Variants in HIP1 observed in about 807,000 individuals in gnomAD.
The protein encoded by HIP1 is huntingtin-interacting protein 1.
HIP1 carries 65 observed loss-of-function variants against 147.6 expected under a neutral mutation model. The observed-to-expected ratio is 0.44, with a 90% CI of 0.36 to 0.54. The LOEUF is 0.54. HIP1 is among the 20% of genes least tolerant of loss of function. The pLI is 0.00. For missense variants in HIP1, 1,061 were observed against 1,299.6 expected (o/e 0.82, Z 2.82); for synonymous variants, 479 against 504.0 (o/e 0.95, Z 0.67).
chr7:75,588,008 C>G (rs587732303), intron 4 of HIP1, among the ~76,000 whole-genome samples: 1 of 152,136 alleles, frequency 6.6e-6, no homozygotes, highest in Admixed American at 6.6e-5. Context: ...AAGACTGCCT[C>G]CTTGGTATAG....
intron 1 of HIP1, among the ~76,000 whole-genome samples, chr7:75,612,646 T>C (rs1306865492): frequency 1.3e-5 from 2 of 149,480 alleles, no homozygotes; most frequent in Admixed American, 1.3e-4. Context: ...CTATCTCTAC[T>C]AAAAATACAA....
intron 1 of HIP1, among the ~76,000 whole-genome samples, chr7:75,615,240 G>A (rs1203625105): frequency 1.3e-5 from 2 of 151,958 alleles, no homozygotes; most frequent in Non-Finnish European, 2.9e-5. Context: ...GGGGCTGTGA[G>A]AGAGCACACA....
Position 75,559,808 on chromosome 7 carries a change from C to G in HIP1, c.1299G>C (p.Leu433=). The G allele has an allele frequency of 6.2e-7, 1 of 1,613,010 alleles. No individual in the cohort carries two copies. The change falls in exon 14 of 31, where the codon CTG becomes CTC. Residue 433 remains leucine (L), a synonymous_variant. Transcript: ENST00000336926. The stretch of plus-strand genomic sequence containing the variant: ...TCCTGAGCTCGTCCAGTTCTGCCCG[C>G]AGGAATTCACAGTCGTCGGCCGCCT... The part of the protein sequence containing the change: ...RQQAADDCEF[L]RAELDELRRQ...
chr7:75,558,092 A>G, intron 15 of HIP1, 75 bp downstream of exon 15: 1 of 1,220,418 alleles, frequency 8.2e-7, no homozygotes, highest in Non-Finnish European at 1.2e-6. Flanking sequence ...GGCCCCGGGG[A>G]AGCCACAGGC....
intron 16 of HIP1, among the ~76,000 whole-genome samples, chr7:75,557,283 C>A (rs1385128660): frequency 1.3e-5 from 2 of 151,932 alleles, no homozygotes; most frequent in African/African-American, 2.4e-5. Flanking sequence ...GTGATCCACA[C>A]CCCCCTCAGC....
chr7:75,652,330 A>C (rs1309132478), intron 1 of HIP1, among the ~76,000 whole-genome samples: 1 of 151,292 alleles, frequency 6.6e-6, no homozygotes, highest in East Asian at 1.9e-4. Context: ...AAAAAAAAAA[A>C]CCACTATATG....
At chr7:75,660,216 TAA>T (rs66778859) in intron 1 of HIP1, among the ~76,000 whole-genome samples, 13,965 of 138,852 alleles carry the variant, frequency 0.1, 1,329 homozygotes, top group African/African-American at 0.26. Flanking sequence ...CGATACGTGG[TAA>T]AAAAAAAAAA....
intron 29 of HIP1, among the ~76,000 whole-genome samples, chr7:75,540,168 CCGT>C (rs1554489566): frequency 6.6e-6 from 1 of 151,988 alleles, no homozygotes; most frequent in East Asian, 1.9e-4. Flanking sequence ...TGGCTTATGC[CCGT>C]AATCCCAGCA....
At chr7:75,733,361 G>GTACTTTA (rs1554523282) in intron 1 of HIP1, 1 of 152,222 alleles carries the variant, frequency 6.6e-6, no homozygotes, top group African/African-American at 2.4e-5. Context: ...TTTATAAACT[G>GTACTTTA]TAAAGTACTC....
intron 1 of HIP1, among the ~76,000 whole-genome samples, chr7:75,647,211 C>CAAAAAAAAAAAAAAAAAAAAAAAA (rs60972195): frequency 1.7e-5 from 1 of 57,992 alleles, no homozygotes; most frequent in Non-Finnish European, 3.0e-5. Flanking sequence ...ACTAAAAATA[C>CAAAAAAAAAAAAAAAAAAAAAAAA]AAAAAAAAAA....
rs782368574 is a variant in HIP1 at position 75,553,481 on chromosome 7, C to G, written c.2267G>C (p.Cys756Ser). ...ENADSTAMRN[C>S]LSKIKAIGEE... ...GCCGATGGCCTTGATCTTGCTCAGG[C>G]AGTTCCTCATGGCTGTGCTGTCGGC... The change falls in exon 22 of 31, where the codon TGC becomes TCC. Residue 756 changes from cysteine (C) to serine (S), a missense_variant. Around this residue, in one of 3 missense-constraint regions of HIP1, gnomAD observed 810 missense variants for 946.8 expected, o/e 0.86. Coordinates refer to ENST00000336926, the MANE Select transcript of HIP1 (RefSeq NM_005338.7). 60 of 1,614,050 alleles carry G rather than the reference C, an allele frequency of 3.7e-5. No homozygotes were observed. Among genetic ancestry groups the G allele is most frequent in the Non-Finnish European group, 4.8e-5 (57 of 1,180,038 alleles).
chr7:75,558,343 C>T, intron 14 of HIP1, 88 bp from the exon 15 acceptor site: 1 of 1,018,434 alleles, frequency 9.8e-7, no homozygotes. Context: ...AGAAGGTCCT[C>T]CTTGTTTTGT....
At chr7:75,642,403 C>T (rs1409233626) in intron 1 of HIP1, among the ~76,000 whole-genome samples, 8 of 152,196 alleles carry the variant, frequency 5.3e-5, no homozygotes, top group South Asian at 2.1e-4. Flanking sequence ...GGAGTGGTGG[C>T]GCATGCCTGT....
chr7:75,603,529 G>A (rs1554503372), intron 1 of HIP1, among the ~76,000 whole-genome samples: 1 of 152,042 alleles, frequency 6.6e-6, no homozygotes, highest in Non-Finnish European at 1.5e-5. Context: ...GACATGCGAT[G>A]CTTCCCCTAC....
At chr7:75,607,641 G>C (rs1417658598) in intron 1 of HIP1, among the ~76,000 whole-genome samples, 1 of 151,560 alleles carries the variant, frequency 6.6e-6, no homozygotes. Context: ...GAGCCCAGGA[G>C]TTTGAAGCTG....
At chr7:75,732,055 C>G (rs782012972) in intron 1 of HIP1, among the ~76,000 whole-genome samples, 22 of 152,068 alleles carry the variant, frequency 1.4e-4, no homozygotes, top group Non-Finnish European at 2.4e-4. Flanking sequence ...AGATCATGAG[C>G]AAGAGGGCAG....
chr7:75,612,834 T>A (rs587697881), intron 1 of HIP1, among the ~76,000 whole-genome samples: 3 of 151,812 alleles, frequency 2.0e-5, no homozygotes, highest in Non-Finnish European at 2.9e-5. Flanking sequence ...ATAATTTTTT[T>A]AAAAAGAGGC....
At chr7:75,690,138 G>C (rs1217494736) in intron 1 of HIP1, among the ~76,000 whole-genome samples, 6 of 152,088 alleles carry the variant, frequency 3.9e-5, no homozygotes, top group Non-Finnish European at 7.4e-5. Context: ...AGCTGGGCTT[G>C]GCGGCACATG....
intron 1 of HIP1, among the ~76,000 whole-genome samples, chr7:75,687,524 T>A (rs1339189552): frequency 2.0e-5 from 3 of 152,096 alleles, no homozygotes; most frequent in African/African-American, 7.2e-5. Flanking sequence ...AAACCCCATC[T>A]CTACTAAGAA....
Sources: allele counts gnomAD v4.1 joint callset (sites outside exome capture counted in the v4.1 genomes callset), GRCh38; gene constraint gnomAD v4.1.1; regional missense constraint gnomAD v4.1.1; transcripts MANE v1.5; gene names NCBI Gene and HGNC (gene_info 2026-07-23, HGNC 2026-07-21).